MYO1D: variants seen among roughly 807,000 people sequenced by gnomAD.
MYO1D encodes unconventional myosin-Id.
A neutral mutation model predicts 122.0 loss-of-function variants in MYO1D; 83 were observed. That is an observed-to-expected ratio of 0.68 (90% CI 0.57 to 0.82). MYO1D has a LOEUF of 0.82. Ranked by LOEUF, MYO1D falls within the 40% of genes least tolerant of loss-of-function variation. The probability of loss-of-function intolerance (pLI) is 0.00; values close to 1 mark genes in which losing one functional copy is unlikely to be tolerated. For synonymous variants in MYO1D, 464 were observed against 446.9 expected (o/e 1.04, Z -0.48); for missense variants, 1,157 against 1,269.5 (o/e 0.91, Z 1.35).
intron 21 of MYO1D, among the ~76,000 whole-genome samples, chr17:32,566,850 A>G (rs192544875): frequency 3.2e-4 from 19 of 59,628 alleles, no homozygotes; most frequent in African/African-American, 1.3e-3. Context: ...TTTTTAACCA[A>G]ATCAGGCAGG....
At chr17:32,577,178 G>A (rs2087286568) in intron 21 of MYO1D, among the ~76,000 whole-genome samples, 1 of 151,982 alleles carries the variant, frequency 6.6e-6, no homozygotes, top group Admixed American at 6.6e-5. Context: ...TTGAACCCGG[G>A]AGGCGGAGCT....
intron 21 of MYO1D, among the ~76,000 whole-genome samples, chr17:32,556,984 T>C (rs1054536372): frequency 4.6e-5 from 7 of 152,008 alleles, no homozygotes; most frequent in African/African-American, 1.7e-4. Context: ...TACAGACAAA[T>C]GATGCAGGGA....
At chr17:32,505,537 G>C (rs915398225) in intron 21 of MYO1D, 1 of 151,452 alleles carries the variant, frequency 6.6e-6, no homozygotes, top group Non-Finnish European at 1.5e-5. Flanking sequence ...AAGGGAATGA[G>C]GACCGAGGCC....
rs187143040 is a variant in MYO1D at position 32,567,498 on chromosome 17, T to C, written c.2864+37589A>G. ...TCACAATCCTGGGAAGGAAATAAGG[T>C]ACACAAAGGTTAAGTAACGTCTGAT... On this transcript the variant is annotated intron_variant, in intron 21 of 21. Coordinates refer to ENST00000318217, the MANE Select transcript of MYO1D (RefSeq NM_015194.3). Among the ~76,000 whole-genome samples the C allele has an allele frequency of 3.4e-4, 52 of 152,292 alleles. 1 individual carries two copies. In the East Asian group the frequency reaches 9.3e-3, roughly 27 times the overall value.
At chr17:32,625,064 T>TTTGGGCTC (rs2087909072) in intron 20 of MYO1D, among the ~76,000 whole-genome samples, 1 of 152,244 alleles carries the variant, frequency 6.6e-6, no homozygotes, top group East Asian at 1.9e-4. Context: ...ATGTTGGGAT[T>TTTGGGCTC]ACAGGCGTGA....
rs762590442 is a variant in MYO1D at position 32,870,794 on chromosome 17, C to T, written c.95+5984G>A. 1.9e-3 allele frequency among the ~76,000 whole-genome samples: 285 copies of T among 152,130 alleles called. 1 individual carries two copies. Among genetic ancestry groups the T allele is most frequent in the Non-Finnish European group, 1.7e-3 (115 of 68,028 alleles). On this transcript the variant is annotated intron_variant, in intron 1 of 21. Coordinates refer to ENST00000318217, the MANE Select transcript of MYO1D (RefSeq NM_015194.3). ...GCCACTCACTTGCACCTTCCCCTTCCAAAGCCTTGCATTTTATTCTGCATT... is the reference window on the plus strand; with the variant it reads ...GCCACTCACTTGCACCTTCCCCTTCTAAAGCCTTGCATTTTATTCTGCATT...
At chr17:32,692,560 G>A (rs2089117992) in intron 16 of MYO1D, among the ~76,000 whole-genome samples, 1 of 152,114 alleles carries the variant, frequency 6.6e-6, no homozygotes, top group Non-Finnish European at 1.5e-5. Context: ...AGCAGTGAAC[G>A]GCTATTACAA....
At chr17:32,824,886 T>C (rs1193571812) in intron 1 of MYO1D, among the ~76,000 whole-genome samples, 1 of 152,198 alleles carries the variant, frequency 6.6e-6, no homozygotes, top group Non-Finnish European at 1.5e-5. Context: ...AATGCTTGCA[T>C]GTCCTGGAAG....
intron 1 of MYO1D, among the ~76,000 whole-genome samples, chr17:32,829,125 A>G (rs1212070581): frequency 6.6e-6 from 1 of 152,248 alleles, no homozygotes; most frequent in African/African-American, 2.4e-5. Flanking sequence ...TGCTTTTAAG[A>G]TGAAATCTTG....
chr17:32,774,982 A>G (rs374568977), intron 4 of MYO1D, among the ~76,000 whole-genome samples: 11 of 152,296 alleles, frequency 7.2e-5, no homozygotes, highest in Non-Finnish European at 1.2e-4. Flanking sequence ...TCTTGCAGTC[A>G]TGTCCACTGA....
At position 32,764,973 on chromosome 17, in the gene MYO1D, CT is replaced by C; in HGVS notation, c.939del (p.Ala314ProfsTer103). On this transcript the variant is annotated frameshift_variant, in exon 8 of 22. Transcript: ENST00000318217. LOFTEE classifies it high-confidence loss of function. ...GTGGCCACAGTCCGGTAAAGAAGGG[CT>C]TTCTCAACCATATCTGTCTTAGTAG... ...LLSTKTDMVE[K>X]ALLYRTVATG... 1 of 1,614,198 alleles carries C rather than the reference CT, an allele frequency of 6.2e-7. No individual in the cohort carries two copies. The highest frequency in any genetic ancestry group is 2.2e-5 in the East Asian group (1 of 44,886).
At chr17:32,529,167 C>T (rs1250711584) in intron 21 of MYO1D, 1 of 152,284 alleles carries the variant, frequency 6.6e-6, no homozygotes, top group African/African-American at 2.4e-5. Context: ...GCCCAACCCA[C>T]CCCTCACTTG....
intron 1 of MYO1D, among the ~76,000 whole-genome samples, chr17:32,828,932 C>T (rs1330614617): frequency 6.6e-6 from 1 of 152,168 alleles, no homozygotes; most frequent in Non-Finnish European, 1.5e-5. Context: ...TGCTTAAAGC[C>T]ACACTATTAG....
intron 21 of MYO1D, among the ~76,000 whole-genome samples, chr17:32,528,191 G>C (rs1033593089): frequency 6.6e-6 from 1 of 152,172 alleles, no homozygotes; most frequent in East Asian, 1.9e-4. Flanking sequence ...CCCACTTAAG[G>C]CTTGCCCTCT....
chr17:32,763,054 C>G (rs368864626), intron 8 of MYO1D, among the ~76,000 whole-genome samples: 3 of 150,986 alleles, frequency 2.0e-5, no homozygotes, highest in Non-Finnish European at 2.9e-5. Context: ...GGCGTGGTGG[C>G]GGTCGCCTGT....
chr17:32,776,165 A>C (rs948114796), intron 3 of MYO1D, 136 bp from the exon 4 acceptor site: 24 of 736,772 alleles, frequency 3.3e-5, no homozygotes, highest in Non-Finnish European at 4.2e-5. Flanking sequence ...TATCAAAAAA[A>C]AAACAAACAA....
chr17:32,519,602 A>C (rs1448285957), intron 21 of MYO1D, among the ~76,000 whole-genome samples: 5 of 151,692 alleles, frequency 3.3e-5, no homozygotes, highest in Non-Finnish European at 7.4e-5. Flanking sequence ...CCCTCCTTGC[A>C]GCCCCCCGCA....
chr17:32,653,625 A>AC (rs1425914777), intron 19 of MYO1D, among the ~76,000 whole-genome samples: 1 of 151,944 alleles, frequency 6.6e-6, no homozygotes, highest in Non-Finnish European at 1.5e-5. Context: ...AAAAAAAAAA[A>AC]AAAGGTTATC....
chr17:32,757,414 C>T (rs531475372), intron 10 of MYO1D, among the ~76,000 whole-genome samples: 1 of 152,222 alleles, frequency 6.6e-6, no homozygotes, highest in African/African-American at 2.4e-5. Flanking sequence ...TGCTGCTAAA[C>T]ATCCTACAAT....
Sources: allele counts gnomAD v4.1 joint callset (sites outside exome capture counted in the v4.1 genomes callset), GRCh38; gene constraint gnomAD v4.1.1; transcripts MANE v1.5; gene names NCBI Gene and HGNC (gene_info 2026-07-23, HGNC 2026-07-21).